ATP8B1: variants seen among roughly 807,000 people sequenced by gnomAD.
The protein encoded by ATP8B1 is phospholipid-transporting ATPase IC.
A neutral mutation model predicts 149.9 loss-of-function variants in ATP8B1; 80 were observed. That is an observed-to-expected ratio of 0.53 (90% confidence interval 0.45 to 0.64). ATP8B1 has a LOEUF of 0.64. ATP8B1 is among the 30% of genes least tolerant of loss of function. The pLI is 0.00. For missense variants in ATP8B1, 1,247 were observed against 1,552.6 expected (o/e 0.80, Z 3.31); for synonymous variants, 536 against 562.8 (o/e 0.95, Z 0.67).
intron 15 of ATP8B1, 124 bp downstream of exon 15, chr18:57,683,912 T>A (rs903448914): frequency 8.0e-7 from 1 of 1,253,912 alleles, no homozygotes; most frequent in Non-Finnish European, 1.2e-6. Context: ...CTGAGAAATA[T>A]TCACTGCATT....
intron 1 of ATP8B1, among the ~76,000 whole-genome samples, chr18:57,756,794 T>C (rs2080089635): frequency 6.6e-6 from 1 of 152,238 alleles, no homozygotes; most frequent in Admixed American, 6.5e-5. Flanking sequence ...ATGTGACATC[T>C]GGAGGCACGT....
chr18:57,706,630 A>G, intron 2 of ATP8B1, 43 bp from the exon 3 acceptor site: 4 of 1,464,036 alleles, frequency 2.7e-6, no homozygotes, highest in Non-Finnish European at 3.8e-6. Context: ...GCAAATTAAC[A>G]TGTTGTTATG....
In ATP8B1 at chr18:57,663,071, A is replaced by G. The variant is rs532544575; in HGVS notation, c.2286-456T>C. On this transcript the variant is annotated intron_variant, in intron 20 of 27. Transcript: ENST00000648908. The stretch of plus-strand genomic sequence containing the variant: ...CTTGCAAAACGGAAACTCTATACCT[A>G]TTAAACAATAACACCTCACCTCACT... Among the ~76,000 whole-genome samples the G allele has an allele frequency of 5.9e-5, 9 of 152,284 alleles. No homozygotes were observed. In the South Asian group the frequency reaches 1.7e-3, roughly 28 times the overall value.
At chr18:57,697,428 A>G (rs954257591) in intron 8 of ATP8B1, among the ~76,000 whole-genome samples, 190 bp downstream of exon 8, 1 of 152,136 alleles carries the variant, frequency 6.6e-6, no homozygotes, top group African/African-American at 2.4e-5. Flanking sequence ...ACCTTCCCTG[A>G]GAGGTGGAGA....
chr18:57,682,745 A>T (rs147091181), intron 15 of ATP8B1, among the ~76,000 whole-genome samples: 2 of 152,232 alleles, frequency 1.3e-5, no homozygotes, highest in East Asian at 3.9e-4. Flanking sequence ...GAACTCTGTT[A>T]CCTTGCTTCA....
chr18:57,662,076 T>C (rs539900710), intron 21 of ATP8B1, among the ~76,000 whole-genome samples: 7 of 152,302 alleles, frequency 4.6e-5, no homozygotes, highest in African/African-American at 1.4e-4. Context: ...TGAAGTGCAG[T>C]GGCTATTCAT....
At chr18:57,713,765 C>T (rs74545566) in intron 2 of ATP8B1, among the ~76,000 whole-genome samples, 2,360 of 58,496 alleles carry the variant, frequency 0.04, 11 homozygotes, top group South Asian at 0.061. Context: ...GCTGGGATTA[C>T]AGGAGTGAGC....
intron 19 of ATP8B1, chr18:57,668,047 C>T: frequency 8.0e-7 from 1 of 1,246,058 alleles, no homozygotes; most frequent in Non-Finnish European, 1.0e-6. Flanking sequence ...GGCAAGAAAA[C>T]CAAAGTTATT....
chr18:57,744,865 A>G (rs2079950864), intron 1 of ATP8B1, among the ~76,000 whole-genome samples: 1 of 152,252 alleles, frequency 6.6e-6, no homozygotes, highest in African/African-American at 2.4e-5. Flanking sequence ...ATAAACTTTG[A>G]AACTTTTGAT....
chr18:57,705,284 T>C (rs769532159), intron 3 of ATP8B1, among the ~76,000 whole-genome samples: 1 of 152,122 alleles, frequency 6.6e-6, no homozygotes, highest in Non-Finnish European at 1.5e-5. Context: ...GACAACAACA[T>C]GGCCAAAGCC....
chr18:57,797,342 T>G (rs1271697433), intron 1 of ATP8B1, among the ~76,000 whole-genome samples: 1 of 152,220 alleles, frequency 6.6e-6, no homozygotes, highest in Non-Finnish European at 1.5e-5. Flanking sequence ...ACCAAGCTAC[T>G]AGCCAAAGGT....
At chr18:57,721,669 T>C (rs2079647678) in intron 2 of ATP8B1, among the ~76,000 whole-genome samples, 2 of 139,438 alleles carry the variant, frequency 1.4e-5, no homozygotes, top group Admixed American at 7.3e-5. Context: ...CACCCCACTG[T>C]CAACATTAGA....
chr18:57,677,227 C>G lies in ATP8B1; in HGVS notation c.1631-2205G>C, dbSNP rs1911650499. 2.0e-5 allele frequency among the ~76,000 whole-genome samples: 3 copies of G among 152,120 alleles called. No individual in the cohort carries two copies. The South Asian group carries it at 6.2e-4, about 32-fold the overall frequency. ...ATTGATAATGTTCTTTTTTAAAAAT[C>G]TGGGTGCTCATTACAAGAGTATTGG... is the stretch of plus-strand genomic sequence containing the variant. On this transcript the variant is annotated intron_variant, in intron 15 of 27. Transcript: ENST00000648908.
chr18:57,704,030 G>T (rs190159852), intron 4 of ATP8B1, among the ~76,000 whole-genome samples: 54 of 149,292 alleles, frequency 3.6e-4, no homozygotes, highest in Non-Finnish European at 6.3e-4. Context: ...GCAATGGTGT[G>T]ATCTCGGCTC....
At chr18:57,685,207 AGACCATATACGGCCTG>A in intron 13 of ATP8B1, 92 bp from the exon 14 acceptor site, 4 of 1,361,010 alleles carry the variant, frequency 2.9e-6, no homozygotes, top group Non-Finnish European at 4.2e-6. Flanking sequence ...GATGGTGGTA[AGACCATATACGGCCTG>A]GACAGGCTAA....
intron 15 of ATP8B1, 35 bp from the exon 16 acceptor site, chr18:57,675,057 G>A (rs762598391): frequency 3.1e-6 from 5 of 1,608,192 alleles, no homozygotes; most frequent in Middle Eastern, 1.9e-4. Flanking sequence ...CAGAAAAGCT[G>A]TAAAAACAAA....
chr18:57,743,034 T>A (rs2079932734), intron 1 of ATP8B1, among the ~76,000 whole-genome samples: 1 of 152,162 alleles, frequency 6.6e-6, no homozygotes, highest in African/African-American at 2.4e-5. Flanking sequence ...TATTTCTTCT[T>A]ATCCATAAAA....
chr18:57,656,676 C>T (rs868443543), intron 22 of ATP8B1, among the ~76,000 whole-genome samples: 3 of 141,748 alleles, frequency 2.1e-5, no homozygotes, highest in African/African-American at 8.0e-5. Flanking sequence ...TGTGCCTGGC[C>T]GAAATAGATA....
chr18:57,741,850 G>T (rs187729589), intron 1 of ATP8B1, among the ~76,000 whole-genome samples: 1 of 152,136 alleles, frequency 6.6e-6, no homozygotes, highest in Non-Finnish European at 1.5e-5. Context: ...GCCACACCCT[G>T]TTTGGAGTCT....
Sources: gnomAD v4.1 joint callset for allele counts (sites outside exome capture counted in the v4.1 genomes callset) on GRCh38, gnomAD v4.1.1 for gene constraint, MANE v1.5 for transcripts, NCBI Gene and HGNC (gene_info 2026-07-23, HGNC 2026-07-21) for gene names.